The following IQCK variants were observed in gnomAD, a reference collection of about 807,000 sequenced individuals.
IQCK encodes IQ motif containing K.
IQCK carries 29 observed loss-of-function variants against 28.1 expected under a neutral mutation model. The observed-to-expected ratio is 1.03, with a 90% CI of 0.77 to 1.41. The LOEUF is 1.41. Among genes scored for constraint, IQCK ranks in the 40% most tolerant of loss-of-function variants. The pLI, the probability that IQCK is intolerant of heterozygous loss-of-function variation, is 0.00. For missense variants in IQCK, 359 were observed against 314.7 expected (o/e 1.14, Z -1.07); for synonymous variants, 113 against 115.1 (o/e 0.98, Z 0.12).
intron 4 of IQCK, among the ~76,000 whole-genome samples, chr16:19,760,231 C>T (rs2055117744): frequency 6.6e-6 from 1 of 152,170 alleles, no homozygotes; most frequent in African/African-American, 2.4e-5. Context: ...TTGGAGAAGA[C>T]AATAATAGTG....
At chr16:19,855,801 C>T (rs578199104) in intron 9 of IQCK, among the ~76,000 whole-genome samples, 2 of 152,244 alleles carry the variant, frequency 1.3e-5, no homozygotes, top group Admixed American at 1.3e-4. Context: ...CCTTTCAAGA[C>T]ATTCACATAT....
chr16:19,834,397 A>G (rs998699633), intron 9 of IQCK, among the ~76,000 whole-genome samples: 1 of 152,200 alleles, frequency 6.6e-6, no homozygotes, highest in African/African-American at 2.4e-5. Flanking sequence ...ACCCGGATCT[A>G]CCTGATGCCA....
In IQCK at chr16:19,752,262, C is replaced by T. The variant is rs569018467; in HGVS notation, c.475-11586C>T. ...ACTGCTATATTAAACAGAGCTGGCT[C>T]AGTGGCTACATTGCAAACTTCACTT... On this transcript the variant is annotated intron_variant, in intron 4 of 7. Transcript: ENST00000564186. Among the ~76,000 whole-genome samples the T allele has an allele frequency of 1.7e-4, 26 of 152,350 alleles. 1 individual carries two copies. Among genetic ancestry groups the T allele is most frequent in the African/African-American group, 6.0e-4 (25 of 41,584 alleles).
exon 10 of IQCK, chr16:19,858,222 C>T: frequency 2.9e-6 from 1 of 349,154 alleles, no homozygotes; most frequent in Non-Finnish European, 5.1e-6. Flanking sequence ...TCTCCTCTCA[C>T]TCCCGCCTCC....
intron 7 of IQCK, among the ~76,000 whole-genome samples, chr16:19,811,177 G>A (rs543976340): frequency 2.6e-4 from 39 of 151,694 alleles, no homozygotes; most frequent in South Asian, 8.3e-4. Context: ...CCAGCTACTC[G>A]GGAGAATGGC....
intron 9 of IQCK, among the ~76,000 whole-genome samples, chr16:19,853,461 A>G (rs897883921): frequency 1.3e-5 from 2 of 152,232 alleles, no homozygotes; most frequent in African/African-American, 2.4e-5. Context: ...TTGTCAAGGT[A>G]TGGACAGGAA....
intron 1 of IQCK, among the ~76,000 whole-genome samples, chr16:19,722,691 C>T (rs1353800478): frequency 4.0e-5 from 6 of 151,690 alleles, no homozygotes; most frequent in African/African-American, 1.5e-4. Flanking sequence ...TACCATCGTT[C>T]ACTCAGCTGC....
intron 4 of IQCK, among the ~76,000 whole-genome samples, chr16:19,748,894 A>AAAAAC (rs773775993): frequency 2.0e-5 from 3 of 152,228 alleles, no homozygotes; most frequent in Non-Finnish European, 4.4e-5. Flanking sequence ...TGTAATGGAA[A>AAAAAC]AAAACAAAAC....
intron 9 of IQCK, among the ~76,000 whole-genome samples, chr16:19,854,900 G>A (rs2056536814): frequency 6.6e-6 from 1 of 152,094 alleles, no homozygotes; most frequent in Admixed American, 6.5e-5. Context: ...TGCCCATAGA[G>A]CTTCCATATA....
intron 6 of IQCK, among the ~76,000 whole-genome samples, chr16:19,779,057 A>G (rs146812447): frequency 0.03 from 4,617 of 152,206 alleles, 211 homozygotes; most frequent in African/African-American, 0.11. Context: ...ATCATAGCTC[A>G]CTGCAGCCTC....
At chr16:19,719,156 G>A (rs557654688) in intron 1 of IQCK, among the ~76,000 whole-genome samples, 157 of 152,206 alleles carry the variant, frequency 1.0e-3, no homozygotes, top group Non-Finnish European at 1.9e-3. Flanking sequence ...TAAGAAGATG[G>A]AACCAGATAG....
At position 19,804,415 on chromosome 16, in the gene IQCK, A is replaced by T. The variant is rs565138989; in HGVS notation, c.690+15493A>T. 5.3e-5 allele frequency among the ~76,000 whole-genome samples: 8 copies of T among 151,454 alleles called. No homozygotes were observed. The South Asian group carries it at 1.7e-3, about 32-fold the overall frequency. On this transcript the variant is annotated intron_variant, in intron 7 of 7. Transcript: ENST00000564186. ...CAGAGGTAAAAGGTTTGTTGTGTGTATGTGTGTGTGTGGTGGTTTTTTTTG... is the reference window on the plus strand; with the variant it reads ...CAGAGGTAAAAGGTTTGTTGTGTGTTTGTGTGTGTGTGGTGGTTTTTTTTG...
chr16:19,740,068 C>T (rs944148926), intron 4 of IQCK, among the ~76,000 whole-genome samples: 1 of 152,186 alleles, frequency 6.6e-6, no homozygotes, highest in African/African-American at 2.4e-5. Flanking sequence ...TTCCATCCCT[C>T]CTAGTAAATG....
chr16:19,745,393 T>C (rs2054896920), intron 4 of IQCK, among the ~76,000 whole-genome samples: 1 of 152,114 alleles, frequency 6.6e-6, no homozygotes, highest in African/African-American at 2.4e-5. Flanking sequence ...AGGAGGCCAG[T>C]ATGTTTGGGG....
At chr16:19,721,557 C>T (rs555655550) in intron 1 of IQCK, among the ~76,000 whole-genome samples, 14 of 150,850 alleles carry the variant, frequency 9.3e-5, no homozygotes, top group African/African-American at 2.2e-4. Context: ...TTAATCAAGA[C>T]AATCAAAGGA....
chr16:19,785,162 A>C (rs2055545900), intron 6 of IQCK, among the ~76,000 whole-genome samples: 1 of 152,202 alleles, frequency 6.6e-6, no homozygotes, highest in African/African-American at 2.4e-5. Flanking sequence ...GGTGCATTTG[A>C]GCAAATTAGA....
chr16:19,838,942 C>G (rs1234499530), intron 9 of IQCK, among the ~76,000 whole-genome samples: 3 of 139,532 alleles, frequency 2.2e-5, no homozygotes, highest in Non-Finnish European at 4.5e-5. Context: ...TTGCTCGAAC[C>G]TAGGAGGCAG....
chr16:19,858,158 T>C (rs2056587145), exon 10 of IQCK: 1 of 226,884 alleles, frequency 4.4e-6, no homozygotes, highest in Non-Finnish European at 8.5e-6. Context: ...TTGGCAAAGA[T>C]GTCTCTTGAT....
intron 1 of IQCK, among the ~76,000 whole-genome samples, chr16:19,720,106 G>T (rs1202197388): frequency 6.6e-6 from 1 of 152,216 alleles, no homozygotes; most frequent in Non-Finnish European, 1.5e-5. Context: ...CTCGAAAGAA[G>T]TGGAGAATAC....
Sources: allele counts gnomAD v4.1 joint callset (sites outside exome capture counted in the v4.1 genomes callset), GRCh38; gene constraint gnomAD v4.1.1; transcripts MANE v1.5; gene names NCBI Gene and HGNC (gene_info 2026-07-23, HGNC 2026-07-21).